Variants in NBAS observed in about 807,000 individuals in gnomAD.
The protein encoded by NBAS is NBAS subunit of NRZ tethering complex, also known as NAG/BC035112 fusion.
A neutral mutation model predicts 302.5 loss-of-function variants in NBAS; 219 were observed. The ratio of observed to expected loss-of-function variants is 0.72; its 90% CI spans 0.65 to 0.81. NBAS has a LOEUF of 0.81. Ranked by LOEUF, NBAS falls within the 30% of genes least tolerant of loss-of-function variation. NBAS has a pLI of 0.00. For synonymous variants in NBAS, 1,118 were observed against 1,021.6 expected (o/e 1.09, Z -1.80); for missense variants, 2,932 against 2,841.6 (o/e 1.03, Z -0.72).
In NBAS at chr2:15,330,727, T is replaced by C. The variant is rs761914317; in HGVS notation, c.4218A>G (p.Leu1406=). 1.2e-5 allele frequency: 19 copies of C among 1,614,012 alleles called. No homozygotes were observed. In the African/African-American group the frequency reaches 1.6e-4, roughly 14 times the overall value. The change falls in exon 36 of 52, where the codon CTA becomes CTG. Residue 1406 remains leucine, a synonymous_variant. Coordinates refer to ENST00000281513, the MANE Select transcript of NBAS (RefSeq NM_015909.4). The part of the protein sequence containing the change: ...VGVPGSNSAD[L]LRWTTATTMK... Reference sequence around the variant, plus strand: ...TGGTGGTAGCAGTGGTCCAGCGCAATAGGTCAGCTGAATTGCTACCTGGAA... The same window carrying C: ...TGGTGGTAGCAGTGGTCCAGCGCAACAGGTCAGCTGAATTGCTACCTGGAA...
chr2:15,011,385 A>G, the NBAS span, among the ~76,000 whole-genome samples: 32 of 148,684 alleles, frequency 2.2e-4, no homozygotes, highest in African/African-American at 3.7e-4. Flanking sequence ...TTGAAGAGCT[A>G]AAAAAAAAAG....
the NBAS span, among the ~76,000 whole-genome samples, chr2:15,081,539 C>A: frequency 1.3e-5 from 2 of 152,202 alleles, no homozygotes; most frequent in Admixed American, 6.5e-5. Context: ...TATCCCAATG[C>A]CCACGACCTC....
the NBAS span, among the ~76,000 whole-genome samples, chr2:15,063,897 G>A: frequency 5.3e-5 from 8 of 152,246 alleles, no homozygotes; most frequent in Admixed American, 3.3e-4. Flanking sequence ...GTGATGTTTT[G>A]TTATGACAGC....
At chr2:15,524,393 G>C (rs1662821364) in intron 9 of NBAS, among the ~76,000 whole-genome samples, 1 of 152,220 alleles carries the variant, frequency 6.6e-6, no homozygotes, top group Non-Finnish European at 1.5e-5. Flanking sequence ...TGATGATATA[G>C]ATTGTGTGCC....
intron 30 of NBAS, among the ~76,000 whole-genome samples, chr2:15,378,474 TG>T (rs1572748164): frequency 1.3e-5 from 2 of 152,212 alleles, no homozygotes; most frequent in Non-Finnish European, 2.9e-5. Flanking sequence ...ACTTACAATG[TG>T]ATTACATCCC....
chr2:15,284,953 G>A (rs1457235595), intron 42 of NBAS, among the ~76,000 whole-genome samples: 1 of 152,124 alleles, frequency 6.6e-6, no homozygotes. Flanking sequence ...CACATCACTC[G>A]ATTGCCTGAT....
chr2:15,536,465 T>C lies in NBAS; in HGVS notation c.600A>G (p.Glu200=). 1 of 1,613,264 alleles carries C rather than the reference T, an allele frequency of 6.2e-7. No individual in the cohort carries two copies. The highest frequency in any genetic ancestry group is 8.5e-7 in the Non-Finnish European group (1 of 1,179,866). Residue 200 remains glutamate (E), a synonymous_variant, in exon 8 of 52, where the codon GAA becomes GAG. Transcript: ENST00000281513. ...CTCCTCGGTAATTGATGACCAGGAG[T>C]TCTGCAGACCACTGTGCACTTGCTT... ...EYKASAQWSA[E]LLVINYRGEL...
chr2:14,868,913 C>G, the NBAS span, among the ~76,000 whole-genome samples: 2 of 152,138 alleles, frequency 1.3e-5, no homozygotes, highest in East Asian at 3.9e-4. Context: ...CAACAGAATC[C>G]TTCCCCAGAA....
chr2:15,372,096 G>A (rs1674514575), intron 31 of NBAS, among the ~76,000 whole-genome samples: 1 of 152,112 alleles, frequency 6.6e-6, no homozygotes, highest in Non-Finnish European at 1.5e-5. Flanking sequence ...AGTAATAAGT[G>A]GCAGAAGTAG....
At chr2:15,132,831 A>G in the NBAS span, among the ~76,000 whole-genome samples, 1 of 151,500 alleles carries the variant, frequency 6.6e-6, no homozygotes, top group East Asian at 1.9e-4. Context: ...TTTAAACAGG[A>G]AGATAGGAAA....
At chr2:14,872,745 A>G in the NBAS span, among the ~76,000 whole-genome samples, 2 of 152,056 alleles carry the variant, frequency 1.3e-5, no homozygotes, top group African/African-American at 4.8e-5. Flanking sequence ...TGAGTGTTAC[A>G]GTTCATAAAC....
At chr2:14,960,298 C>T in the NBAS span, among the ~76,000 whole-genome samples, 47 of 152,318 alleles carry the variant, frequency 3.1e-4, no homozygotes, top group African/African-American at 1.1e-3. Context: ...CCATAGAAGG[C>T]CCTAAATGCT....
At chr2:15,277,137 T>C in intron 42 of NBAS, 36 bp from the exon 43 acceptor site, 1 of 1,594,788 alleles carries the variant, frequency 6.3e-7, no homozygotes, top group Non-Finnish European at 8.5e-7. Flanking sequence ...TGTTAAGATT[T>C]TGTTCCTTTA....
At chr2:14,798,539 T>A in the NBAS span, among the ~76,000 whole-genome samples, 4 of 152,134 alleles carry the variant, frequency 2.6e-5, no homozygotes, top group African/African-American at 9.7e-5. Flanking sequence ...TCTGTCAAAA[T>A]TTTTTTAGTA....
chr2:15,068,001 G>A, the NBAS span, among the ~76,000 whole-genome samples: 2 of 152,320 alleles, frequency 1.3e-5, no homozygotes, highest in Admixed American at 1.3e-4. Flanking sequence ...TAGCCTCTAA[G>A]TTTTAGAGTT....
At chr2:15,460,399 G>A (rs1679454147) in intron 21 of NBAS, among the ~76,000 whole-genome samples, 1 of 152,082 alleles carries the variant, frequency 6.6e-6, no homozygotes, top group South Asian at 2.1e-4. Context: ...CTTACTAGTG[G>A]GCTAGCTTAC....
chr2:15,317,301 G>C (rs1346825359), intron 38 of NBAS, among the ~76,000 whole-genome samples: 1 of 152,150 alleles, frequency 6.6e-6, no homozygotes, highest in Non-Finnish European at 1.5e-5. Flanking sequence ...AGAAACCAGA[G>C]CAGAAAAGCT....
intron 11 of NBAS, 92 bp from the exon 12 acceptor site, chr2:15,489,114 T>A (rs1680752891): frequency 7.2e-7 from 1 of 1,394,052 alleles, no homozygotes. Flanking sequence ...TGCCAAGTTA[T>A]AAATGATCTT....
At chr2:15,480,624 TG>T (rs1680390881) in intron 12 of NBAS, among the ~76,000 whole-genome samples, 1 of 152,024 alleles carries the variant, frequency 6.6e-6, no homozygotes, top group South Asian at 2.1e-4. Context: ...AAGACTTGGA[TG>T]TGGAAAATGA....
Sources: allele counts gnomAD v4.1 joint callset (sites outside exome capture counted in the v4.1 genomes callset), GRCh38; gene constraint gnomAD v4.1.1; transcripts MANE v1.5; gene names NCBI Gene and HGNC (gene_info 2026-07-23, HGNC 2026-07-21).